The following NSRP1 variants were observed in gnomAD, a reference collection of about 807,000 sequenced individuals.
NSRP1 encodes the protein coiled-coil domain containing 55.
Under a neutral mutation model 54.7 loss-of-function variants are expected in NSRP1, and 24 were observed. That is an observed-to-expected ratio of 0.44 (90% CI 0.32 to 0.62). NSRP1 has a LOEUF of 0.62. NSRP1 is among the 20% of genes least tolerant of loss of function. The pLI is 0.06. For synonymous variants in NSRP1, 210 were observed against 213.8 expected (o/e 0.98, Z 0.15); for missense variants, 596 against 651.2 (o/e 0.92, Z 0.92).
At chr17:30,129,661 ATCTG>A (rs1316706142) in intron 2 of NSRP1, among the ~76,000 whole-genome samples, 1 of 152,200 alleles carries the variant, frequency 6.6e-6, no homozygotes, top group East Asian at 1.9e-4. Context: ...TAAAATTTTA[ATCTG>A]TCTGAACATT....
At chr17:30,167,893 A>G (rs1904793083) in intron 2 of NSRP1, among the ~76,000 whole-genome samples, 2 of 152,166 alleles carry the variant, frequency 1.3e-5, no homozygotes, top group African/African-American at 4.8e-5. Flanking sequence ...TCAACAGTAC[A>G]TGTACAGTTA....
chr17:30,171,934 T>TCACA (rs746244255), intron 2 of NSRP1, among the ~76,000 whole-genome samples: 6,577 of 113,296 alleles, frequency 0.058, 207 homozygotes, highest in Middle Eastern at 0.099. Flanking sequence ...TCCCCATTTC[T>TCACA]CACACACACA....
At chr17:30,174,676 GTTGT>G (rs1345645253) in intron 3 of NSRP1, among the ~76,000 whole-genome samples, 28 of 152,226 alleles carry the variant, frequency 1.8e-4, no homozygotes, top group East Asian at 1.2e-3. Context: ...GGAGGGTTTT[GTTGT>G]TTGTTTATTT....
intron 2 of NSRP1, among the ~76,000 whole-genome samples, chr17:30,133,720 T>C (rs1309574496): frequency 6.6e-6 from 1 of 152,234 alleles, no homozygotes; most frequent in Non-Finnish European, 1.5e-5. Flanking sequence ...GCCACTTTCA[T>C]TGATGGTCCC....
At chr17:30,149,885 C>T (rs974057412) in intron 2 of NSRP1, among the ~76,000 whole-genome samples, 30 of 150,286 alleles carry the variant, frequency 2.0e-4, no homozygotes, top group Non-Finnish European at 3.1e-4. Flanking sequence ...TTAGTATATT[C>T]ACAGAATTGT....
chr17:30,138,712 G>A (rs894194418), intron 2 of NSRP1, among the ~76,000 whole-genome samples: 2 of 151,956 alleles, frequency 1.3e-5, no homozygotes, highest in African/African-American at 4.8e-5. Context: ...GGATCATATA[G>A]TAATTCTGTG....
At chr17:30,147,767 C>G (rs1447703714) in intron 2 of NSRP1, among the ~76,000 whole-genome samples, 2 of 150,308 alleles carry the variant, frequency 1.3e-5, no homozygotes, top group Non-Finnish European at 3.0e-5. Context: ...CCAGCCCCGG[C>G]CAGACTTTTT....
intron 2 of NSRP1, among the ~76,000 whole-genome samples, chr17:30,121,769 C>T (rs2071599625): frequency 1.3e-5 from 2 of 152,070 alleles, no homozygotes; most frequent in Non-Finnish European, 2.9e-5. Context: ...GGAGTTTCAC[C>T]ATGTTGATCA....
chr17:30,183,363 T>C (rs1028191926), intron 6 of NSRP1, among the ~76,000 whole-genome samples: 3 of 152,134 alleles, frequency 2.0e-5, no homozygotes, highest in African/African-American at 7.2e-5. Context: ...TAGGCTTTGA[T>C]TATAAAATTG....
intron 2 of NSRP1, among the ~76,000 whole-genome samples, chr17:30,158,322 T>A (rs2143005421): frequency 6.6e-6 from 1 of 152,000 alleles, no homozygotes; most frequent in South Asian, 2.1e-4. Flanking sequence ...TTTTTTTTTT[T>A]TGCTATTGAG....
intron 5 of NSRP1, 25 bp downstream of exon 5, chr17:30,179,322 A>G: frequency 6.5e-7 from 1 of 1,548,214 alleles, no homozygotes; most frequent in Non-Finnish European, 8.7e-7. Context: ...TGGGAAAGGC[A>G]CAAGGAAACA....
chr17:30,182,712 AT>A (rs1418199779), intron 6 of NSRP1, among the ~76,000 whole-genome samples: 1 of 152,070 alleles, frequency 6.6e-6, no homozygotes, highest in East Asian at 1.9e-4. Context: ...AGGCGGGCGG[AT>A]TGCGAGGTCA....
intron 2 of NSRP1, among the ~76,000 whole-genome samples, chr17:30,164,234 G>A (rs1904649477): frequency 1.3e-5 from 2 of 152,158 alleles, no homozygotes; most frequent in South Asian, 2.1e-4. Context: ...CCTAAGTGCT[G>A]TACACATATT....
chr17:30,154,501 C>T (rs943566584), intron 2 of NSRP1: 10 of 151,628 alleles, frequency 6.6e-5, no homozygotes, highest in African/African-American at 2.2e-4. Flanking sequence ...ATTGCTTCAG[C>T]CCTGGAGTTC....
chr17:30,184,747 C>T lies in NSRP1; in HGVS notation c.750C>T (p.Phe250=), dbSNP rs1311045694. 14 of 1,613,840 alleles carry T rather than the reference C, an allele frequency of 8.7e-6. No individual in the cohort carries two copies. Among genetic ancestry groups the T allele is most frequent in the Middle Eastern group, 3.3e-4 (2 of 6,060 alleles). ...VEENPDADSD[F]DAKSSADDEI... is the part of the protein sequence containing the mutation. ...AAAACCCAGATGCAGACAGTGACTT[C>T]GATGCTAAGAGCAGTGCGGATGATG... The change falls in exon 7 of 7, where the codon TTC becomes TTT. Residue 250 remains phenylalanine (F), a synonymous_variant. Coordinates refer to ENST00000247026, the MANE Select transcript of NSRP1 (RefSeq NM_032141.4).
chr17:30,140,823 C>T (rs779177746), intron 2 of NSRP1, among the ~76,000 whole-genome samples: 9 of 152,108 alleles, frequency 5.9e-5, no homozygotes, highest in African/African-American at 1.7e-4. Context: ...CCACCGCATC[C>T]GGCCCCAGAT....
At chr17:30,155,691 G>A (rs1010993027) in intron 2 of NSRP1, among the ~76,000 whole-genome samples, 4 of 151,962 alleles carry the variant, frequency 2.6e-5, no homozygotes, top group African/African-American at 7.3e-5. Flanking sequence ...GACTACAGAC[G>A]TACACCATCG....
intron 2 of NSRP1, among the ~76,000 whole-genome samples, chr17:30,160,475 T>G (rs891884095): frequency 1.3e-5 from 2 of 152,236 alleles, no homozygotes; most frequent in African/African-American, 2.4e-5. Flanking sequence ...TCAATCTCAT[T>G]ACTCGTTGTT....
At position 30,124,316 on chromosome 17, in the gene NSRP1, A is replaced by T. The variant is rs537560833; in HGVS notation, c.114+6143A>T. On this transcript the variant is annotated intron_variant, in intron 2 of 6. Transcript: ENST00000247026. ...TGACCACAACATACCACAGTTTGAG[A>T]AGGATGGGTTTACACAAGTAATCTA... Among the ~76,000 whole-genome samples the T allele has an allele frequency of 5.9e-5, 9 of 152,312 alleles. 1 individual carries two copies. Among genetic ancestry groups the T allele is most frequent in the African/African-American group, 2.2e-4 (9 of 41,568 alleles).
Sources: allele counts gnomAD v4.1 joint callset (sites outside exome capture counted in the v4.1 genomes callset), GRCh38; gene constraint gnomAD v4.1.1; transcripts MANE v1.5; gene names NCBI Gene and HGNC (gene_info 2026-07-23, HGNC 2026-07-21).